The following WDR70 variants were observed in gnomAD, a reference collection of about 807,000 sequenced individuals.
The protein encoded by WDR70 is WD repeat domain 70, also known as WD repeat-containing protein 70.
WDR70 carries 53 observed loss-of-function variants against 88.6 expected under a neutral mutation model. That is an observed-to-expected ratio of 0.60 (90% CI 0.48 to 0.75). WDR70 has a LOEUF of 0.75. Among genes scored for constraint, WDR70 ranks in the 30% least tolerant of loss-of-function variants. The pLI, the probability that WDR70 is intolerant of heterozygous loss-of-function variation, is 0.00. For synonymous variants in WDR70, 280 were observed against 270.0 expected, an observed-to-expected ratio of 1.04 and a Z score of -0.36; for missense variants, 610 against 823.2, an observed-to-expected ratio of 0.74 and a Z score of 3.17.
intron 10 of WDR70, among the ~76,000 whole-genome samples, chr5:37,629,168 T>G (rs1744746600): frequency 6.6e-6 from 1 of 152,184 alleles, no homozygotes; most frequent in Admixed American, 6.5e-5. Context: ...GGAGATTCCC[T>G]TATTTATGAC....
intron 8 of WDR70, among the ~76,000 whole-genome samples, chr5:37,492,701 T>C (rs146766929): frequency 5.1e-4 from 77 of 152,320 alleles, no homozygotes; most frequent in African/African-American, 1.8e-3. Flanking sequence ...AGGAGATTTC[T>C]AAGCAAAATG....
At chr5:37,730,469 T>C (rs1018607253) in intron 17 of WDR70, among the ~76,000 whole-genome samples, 5 of 152,064 alleles carry the variant, frequency 3.3e-5, no homozygotes, top group African/African-American at 1.2e-4. Context: ...TGGCTTTGCT[T>C]CTTTTTCACA....
At chr5:37,593,771 G>A (rs1351500538) in intron 9 of WDR70, among the ~76,000 whole-genome samples, 1 of 152,192 alleles carries the variant, frequency 6.6e-6, no homozygotes, top group Non-Finnish European at 1.5e-5. Flanking sequence ...CACCAACAGT[G>A]TAAAAGTGTT....
At chr5:37,558,966 C>T (rs1387643084) in intron 9 of WDR70, among the ~76,000 whole-genome samples, 1 of 150,436 alleles carries the variant, frequency 6.6e-6, no homozygotes, top group Non-Finnish European at 1.5e-5. Context: ...GAATCTAGCT[C>T]CGTCGCCTGG....
intron 13 of WDR70, among the ~76,000 whole-genome samples, chr5:37,708,471 C>T (rs1747420894): frequency 2.0e-5 from 3 of 151,796 alleles, no homozygotes; most frequent in Admixed American, 1.3e-4. Flanking sequence ...ACACATGTAA[C>T]ATAATTATAC....
intron 17 of WDR70, among the ~76,000 whole-genome samples, chr5:37,745,309 C>G (rs772206731): frequency 1.7e-4 from 25 of 151,398 alleles, no homozygotes; most frequent in Non-Finnish European, 3.1e-4. Flanking sequence ...CCAATACCAG[C>G]CACTGCAAAA....
At chr5:37,396,679 G>C in intron 5 of WDR70, 109 bp downstream of exon 5, 1 of 1,426,952 alleles carries the variant, frequency 7.0e-7, no homozygotes, top group South Asian at 1.6e-5. Flanking sequence ...AAAAACTGAG[G>C]AAAGGCCGGG....
chr5:37,513,931 T>C (rs1740799931), intron 8 of WDR70, among the ~76,000 whole-genome samples: 1 of 152,128 alleles, frequency 6.6e-6, no homozygotes, highest in Admixed American at 6.5e-5. Flanking sequence ...TCCAATCAAG[T>C]TGACACTCAT....
At chr5:37,425,191 G>T (rs1246353485) in intron 5 of WDR70, among the ~76,000 whole-genome samples, 1 of 152,238 alleles carries the variant, frequency 6.6e-6, no homozygotes, top group Non-Finnish European at 1.5e-5. Context: ...AGACTGCAGT[G>T]AGTGAGCCAT....
At chr5:37,394,029 G>C (rs1056675671) in intron 4 of WDR70, among the ~76,000 whole-genome samples, 1 of 152,136 alleles carries the variant, frequency 6.6e-6, no homozygotes, top group Non-Finnish European at 1.5e-5. Flanking sequence ...CTTGAGGGCT[G>C]CGGGAGGTGG....
chr5:37,402,035 G>C (rs534655527), intron 5 of WDR70, among the ~76,000 whole-genome samples: 2 of 152,180 alleles, frequency 1.3e-5, no homozygotes, highest in Non-Finnish European at 2.9e-5. Flanking sequence ...TATTCTTTCT[G>C]TCTAGCTGTA....
intron 13 of WDR70, among the ~76,000 whole-genome samples, chr5:37,707,938 AAAAAAAAAAAATATAT>A (rs1309105747): frequency 2.8e-5 from 1 of 36,278 alleles, no homozygotes; most frequent in African/African-American, 9.9e-5. Flanking sequence ...AAAAAAAAAA[AAAAAAAAAAAATATAT>A]ATATATATAT....
chr5:37,476,840 T>G (rs1382333684), intron 7 of WDR70, among the ~76,000 whole-genome samples: 1 of 152,166 alleles, frequency 6.6e-6, no homozygotes, highest in African/African-American at 2.4e-5. Context: ...GCCTGGCCTT[T>G]TCTTCTTTTT....
intron 9 of WDR70, among the ~76,000 whole-genome samples, chr5:37,523,081 A>G (rs1741146784): frequency 1.3e-5 from 2 of 152,242 alleles, no homozygotes; most frequent in South Asian, 4.1e-4. Flanking sequence ...AAAAGGCAGC[A>G]GAAACCTCTG....
intron 3 of WDR70, among the ~76,000 whole-genome samples, chr5:37,389,748 A>AT (rs905895608): frequency 3.3e-5 from 5 of 151,604 alleles, no homozygotes; most frequent in Admixed American, 2.0e-4. Context: ...TTTTTTTTAA[A>AT]TTTTTTCCAG....
chr5:37,700,979 A>G, intron 11 of WDR70, 79 bp from the exon 12 acceptor site: 5 of 830,900 alleles, frequency 6.0e-6, no homozygotes, highest in Non-Finnish European at 1.0e-5. Flanking sequence ...CATTAAGTTT[A>G]GCAGACTCTA....
intron 5 of WDR70, among the ~76,000 whole-genome samples, chr5:37,415,261 A>T (rs951813746): frequency 1.3e-5 from 2 of 151,840 alleles, no homozygotes; most frequent in African/African-American, 4.8e-5. Context: ...CAAAACCGCC[A>T]TTGTCATCAT....
intron 8 of WDR70, among the ~76,000 whole-genome samples, chr5:37,480,351 G>A (rs1027616931): frequency 6.6e-6 from 1 of 152,036 alleles, no homozygotes; most frequent in African/African-American, 2.4e-5. Flanking sequence ...TTCACAGTGT[G>A]GTAGTCTTAG....
chr5:37,475,559 C>G (rs1739455067), intron 7 of WDR70, among the ~76,000 whole-genome samples: 1 of 152,156 alleles, frequency 6.6e-6, no homozygotes, highest in Non-Finnish European at 1.5e-5. Context: ...ATTTTCAAGG[C>G]CACTCTGCCT....
Sources: allele counts gnomAD v4.1 joint callset (sites outside exome capture counted in the v4.1 genomes callset), GRCh38; gene constraint gnomAD v4.1.1; transcripts MANE v1.5; gene names NCBI Gene and HGNC (gene_info 2026-07-23, HGNC 2026-07-21).